Variants in NRG1 observed in about 807,000 individuals in gnomAD.
The protein encoded by NRG1 is pro-neuregulin-1, membrane-bound isoform.
Under a neutral mutation model 63.8 loss-of-function variants are expected in NRG1, and 18 were observed. The observed-to-expected ratio is 0.28, with a 90% CI of 0.19 to 0.42. The LOEUF (loss-of-function observed/expected upper bound fraction) is 0.42. Among genes scored for constraint, NRG1 ranks in the 10% least tolerant of loss-of-function variants. The pLI, the probability that NRG1 is intolerant of heterozygous loss-of-function variation, is 1.00. For missense variants in NRG1, 762 were observed against 814.7 expected, an observed-to-expected ratio of 0.94 and a Z score of 0.79; for synonymous variants, 302 against 301.3, an observed-to-expected ratio of 1.00 and a Z score of -0.02.
At chr8:31,768,359 T>C (rs191906734) in intron 1 of NRG1, among the ~76,000 whole-genome samples, 1 of 152,300 alleles carries the variant, frequency 6.6e-6, no homozygotes, top group African/African-American at 2.4e-5. Context: ...TTGAGAATAA[T>C]CTTGTTTACC....
intron 1 of NRG1, among the ~76,000 whole-genome samples, chr8:31,908,001 G>T (rs1832665191): frequency 6.6e-6 from 1 of 152,048 alleles, no homozygotes; most frequent in African/African-American, 2.4e-5. Context: ...ATTTAGGTCT[G>T]GAACTCACAT....
At chr8:32,228,078 T>C (rs970260199) in intron 1 of NRG1, among the ~76,000 whole-genome samples, 3 of 152,228 alleles carry the variant, frequency 2.0e-5, no homozygotes, top group African/African-American at 7.2e-5. Context: ...AGCTTTTTGT[T>C]TGTTTCTTTA....
At position 32,516,537 on chromosome 8, in the gene NRG1, T is replaced by C. The variant is rs560520555; in HGVS notation, c.38-79291T>C. Among the ~76,000 whole-genome samples, 10 of 152,326 alleles carry C rather than the reference T, an allele frequency of 6.6e-5. No individual in the cohort carries two copies. In the South Asian group the frequency reaches 2.1e-3, roughly 32 times the overall value. Reference sequence around the variant, plus strand: ...TTGGGAAATACGGCCATTTTAATGATATTAATTCTTCCAATCCATGAACAT... The same window carrying C: ...TTGGGAAATACGGCCATTTTAATGACATTAATTCTTCCAATCCATGAACAT... On this transcript the variant is annotated intron_variant, in intron 1 of 10. Transcript: ENST00000519301.
intron 1 of NRG1, among the ~76,000 whole-genome samples, chr8:31,652,557 A>G (rs1052071271): frequency 1.3e-5 from 2 of 152,124 alleles, no homozygotes; most frequent in African/African-American, 4.8e-5. Flanking sequence ...CATTCTCTAC[A>G]TATGCCAGGC....
chr8:32,628,125 AT>A (rs1215349730), intron 5 of NRG1, among the ~76,000 whole-genome samples: 4 of 151,882 alleles, frequency 2.6e-5, no homozygotes, highest in East Asian at 1.9e-4. Flanking sequence ...CTGTTGCTGC[AT>A]TTTTTTTAAG....
At chr8:31,958,286 A>G (rs1804817829) in intron 1 of NRG1, among the ~76,000 whole-genome samples, 1 of 152,220 alleles carries the variant, frequency 6.6e-6, no homozygotes, top group Admixed American at 6.5e-5. Flanking sequence ...TAAAATAAGA[A>G]TAGAATATAG....
intron 1 of NRG1, among the ~76,000 whole-genome samples, chr8:32,186,633 G>A (rs183870194): frequency 8.5e-5 from 13 of 152,208 alleles, no homozygotes; most frequent in South Asian, 8.3e-4. Context: ...AGTGGGGTCC[G>A]TCCTGGAAGC....
chr8:32,562,232 A>G (rs1208522832), intron 1 of NRG1, among the ~76,000 whole-genome samples: 1 of 152,018 alleles, frequency 6.6e-6, no homozygotes, highest in African/African-American at 2.4e-5. Context: ...GGTACAGACA[A>G]CTGCTGATTC....
intron 1 of NRG1, among the ~76,000 whole-genome samples, chr8:31,951,718 G>T (rs1268412076): frequency 4.6e-5 from 7 of 152,152 alleles, no homozygotes; most frequent in African/African-American, 7.2e-5. Context: ...CTTCCCCTGG[G>T]ATGGTGAGCA....
intron 1 of NRG1, among the ~76,000 whole-genome samples, chr8:31,873,554 G>T (rs930796043): frequency 1.3e-5 from 2 of 152,114 alleles, no homozygotes; most frequent in Non-Finnish European, 2.9e-5. Context: ...GCGAGACTCC[G>T]TCTGAAAAAC....
intron 1 of NRG1, among the ~76,000 whole-genome samples, chr8:32,282,896 G>C (rs927231873): frequency 6.6e-6 from 1 of 151,950 alleles, no homozygotes; most frequent in African/African-American, 2.4e-5. Context: ...TAGAAGACAG[G>C]TTAAAAAAGA....
intron 1 of NRG1, among the ~76,000 whole-genome samples, chr8:32,183,978 T>G (rs897266171): frequency 6.6e-6 from 1 of 152,186 alleles, no homozygotes. Flanking sequence ...AGTCATTATT[T>G]TCTTACACAA....
intron 1 of NRG1, among the ~76,000 whole-genome samples, chr8:31,832,021 C>A (rs1001616117): frequency 6.6e-6 from 1 of 152,188 alleles, no homozygotes; most frequent in Admixed American, 6.5e-5. Flanking sequence ...TCTGTACACA[C>A]CTGCCTTTGG....
intron 1 of NRG1, among the ~76,000 whole-genome samples, chr8:32,400,361 T>C (rs1024699041): frequency 3.9e-5 from 6 of 152,174 alleles, no homozygotes; most frequent in Non-Finnish European, 7.3e-5. Flanking sequence ...TGCAACCCTA[T>C]AGTCTGAGCT....
intron 1 of NRG1, among the ~76,000 whole-genome samples, chr8:32,408,605 C>T (rs1253518027): frequency 6.6e-6 from 1 of 151,664 alleles, no homozygotes; most frequent in Non-Finnish European, 1.5e-5. Context: ...AAAGATTGTG[C>T]ATGATGGTGG....
intron 1 of NRG1, among the ~76,000 whole-genome samples, chr8:32,385,718 C>T (rs1434449515): frequency 1.3e-5 from 2 of 152,084 alleles, no homozygotes; most frequent in African/African-American, 2.4e-5. Context: ...TGATCCATCA[C>T]CTCCCACCAG....
At chr8:31,936,342 A>T (rs574783176) in intron 1 of NRG1, among the ~76,000 whole-genome samples, 2 of 152,322 alleles carry the variant, frequency 1.3e-5, no homozygotes, top group Admixed American at 6.5e-5. Flanking sequence ...ATATTTGATG[A>T]TTTCGCAGTT....
intron 5 of NRG1, among the ~76,000 whole-genome samples, chr8:32,678,373 C>G (rs370934536): frequency 6.6e-6 from 1 of 152,238 alleles, no homozygotes; most frequent in African/African-American, 2.4e-5. Context: ...TAAATGTCAT[C>G]TGTGATCTAA....
At chr8:31,743,783 C>T (rs1208226118) in intron 1 of NRG1, among the ~76,000 whole-genome samples, 10 of 151,888 alleles carry the variant, frequency 6.6e-5, no homozygotes, top group Non-Finnish European at 1.2e-4. Context: ...TTTTCATCTG[C>T]CCAGAATAAT....
Sources: allele counts gnomAD v4.1 joint callset (sites outside exome capture counted in the v4.1 genomes callset), GRCh38; gene constraint gnomAD v4.1.1; transcripts MANE v1.5; gene names NCBI Gene and HGNC (gene_info 2026-07-23, HGNC 2026-07-21).